ACYP2: variants seen among roughly 807,000 people sequenced by gnomAD.
ACYP2 encodes the protein acylphosphatase-2.
In ACYP2, 12 loss-of-function variants were observed where a neutral mutation model predicts 11.2. The ratio of observed to expected loss-of-function variants is 1.08; its 90% CI spans 0.69 to 1.74. The LOEUF is 1.74. ACYP2 is among the 40% of genes most tolerant of loss of function. The pLI is 0.00. For synonymous variants in ACYP2, 43 were observed against 32.2 expected (o/e 1.33, Z -1.13); for missense variants, 134 against 101.9 (o/e 1.31, Z -1.35).
chr2:54,092,267 A>G (rs1329732172), intron 4 of ACYP2, among the ~76,000 whole-genome samples: 6 of 152,234 alleles, frequency 3.9e-5, no homozygotes, highest in Non-Finnish European at 8.8e-5. Context: ...AGAGGGAAGA[A>G]TAGGGACAGG....
At chr2:54,160,396 C>G (rs772433724) in intron 6 of ACYP2, among the ~76,000 whole-genome samples, 8 of 152,188 alleles carry the variant, frequency 5.3e-5, no homozygotes, top group African/African-American at 1.9e-4. Context: ...CTTTTTCAGC[C>G]ACTCATAAGG....
At chr2:54,276,353 A>G (rs1008936505) in intron 6 of ACYP2, among the ~76,000 whole-genome samples, 1 of 152,110 alleles carries the variant, frequency 6.6e-6, no homozygotes, top group Admixed American at 6.5e-5. Context: ...TAAACATCCT[A>G]CATACATTAG....
At chr2:54,006,863 A>AC (rs1673090288) in intron 2 of ACYP2, among the ~76,000 whole-genome samples, 1 of 151,842 alleles carries the variant, frequency 6.6e-6, no homozygotes, top group African/African-American at 2.4e-5. Context: ...GGTGGCTCAC[A>AC]CCTGTAATCC....
intron 2 of ACYP2, among the ~76,000 whole-genome samples, chr2:54,012,332 C>A (rs1341427982): frequency 6.6e-6 from 1 of 151,812 alleles, no homozygotes; most frequent in Non-Finnish European, 1.5e-5. Context: ...ATAGCAAGAC[C>A]TCGCTCCTAT....
At chr2:54,201,626 T>C (rs868563533) in intron 6 of ACYP2, among the ~76,000 whole-genome samples, 8,541 of 101,352 alleles carry the variant, frequency 0.084, 426 homozygotes, top group Middle Eastern at 0.13. Context: ...CTTTCTTTGT[T>C]TCTTTCTTTC....
At chr2:54,156,439 G>A (rs144392371) in intron 6 of ACYP2, among the ~76,000 whole-genome samples, 1 of 152,112 alleles carries the variant, frequency 6.6e-6, no homozygotes, top group Non-Finnish European at 1.5e-5. Context: ...ACAAGCCCCA[G>A]TGTGTGTTGT....
At position 54,036,325 on chromosome 2, in the gene ACYP2, C is replaced by G. The variant is rs75556321; in HGVS notation, c.63-14633C>G. ...GGCAGGCTGGTGTGGAACTCGACCT[C>G]AGGTGATTTCTGCCCACCTTGGCCT... is the stretch of plus-strand genomic sequence containing the variant. On this transcript the variant is annotated intron_variant, in intron 2 of 6. Transcript: ENST00000607452. Among the ~76,000 whole-genome samples, 1,416 of 152,290 alleles carry G rather than the reference C, an allele frequency of 9.3e-3. 10 individuals carry two copies. The highest frequency in any genetic ancestry group is 0.031 in the Middle Eastern group (9 of 294).
chr2:54,189,490 G>A (rs1157359871), intron 6 of ACYP2, among the ~76,000 whole-genome samples: 1 of 152,030 alleles, frequency 6.6e-6, no homozygotes, highest in Non-Finnish European at 1.5e-5. Context: ...CAAATGGCAG[G>A]ACCTCCTCTT....
At chr2:54,172,741 C>G (rs1683270277) in intron 6 of ACYP2, among the ~76,000 whole-genome samples, 1 of 151,850 alleles carries the variant, frequency 6.6e-6, no homozygotes, top group South Asian at 2.1e-4. Context: ...GTTCCCTGCC[C>G]TGTGTCCATG....
intron 3 of ACYP2, chr2:54,051,165 C>T (rs1407474771): frequency 4.3e-6 from 3 of 704,370 alleles, no homozygotes; most frequent in Non-Finnish European, 7.6e-6. Context: ...GAGAACCAGA[C>T]AGGCATTGGG....
intron 4 of ACYP2, among the ~76,000 whole-genome samples, chr2:54,094,246 G>C (rs75188006): frequency 7.4e-6 from 1 of 135,382 alleles, no homozygotes; most frequent in Admixed American, 7.4e-5. Flanking sequence ...TTTTTTTTTT[G>C]AGACAGAGTC....
intron 2 of ACYP2, among the ~76,000 whole-genome samples, chr2:53,987,363 A>C (rs1347727571): frequency 2.0e-5 from 3 of 152,118 alleles, no homozygotes; most frequent in Admixed American, 1.3e-4. Flanking sequence ...AAAGTTAAAA[A>C]AAAAAAAAAA....
intron 2 of ACYP2, among the ~76,000 whole-genome samples, chr2:53,982,842 G>C (rs1671838700): frequency 6.8e-6 from 1 of 146,742 alleles, no homozygotes; most frequent in African/African-American, 2.7e-5. Context: ...GTGTGTGTGT[G>C]TGTGTGTGTG....
intron 2 of ACYP2, among the ~76,000 whole-genome samples, chr2:54,009,608 C>T (rs1044158678): frequency 1.3e-5 from 2 of 151,808 alleles, no homozygotes; most frequent in Non-Finnish European, 2.9e-5. Context: ...CCTGAGTGTC[C>T]CTGATGATTT....
At chr2:54,172,031 T>C (rs1487912650) in intron 6 of ACYP2, among the ~76,000 whole-genome samples, 1 of 152,046 alleles carries the variant, frequency 6.6e-6, no homozygotes, top group East Asian at 1.9e-4. Flanking sequence ...CTAGTCAACA[T>C]AGGGATACCC....
At chr2:54,051,586 A>G (rs1304780642) in intron 3 of ACYP2, 5 of 742,506 alleles carry the variant, frequency 6.7e-6, no homozygotes, top group Non-Finnish European at 5.0e-6. Context: ...TTGTGAAGAA[A>G]CTAGGAGAGA....
At chr2:54,066,287 C>T (rs1009587262) in intron 4 of ACYP2, among the ~76,000 whole-genome samples, 2 of 152,180 alleles carry the variant, frequency 1.3e-5, no homozygotes, top group Non-Finnish European at 2.9e-5. Flanking sequence ...CTCCTCTCTC[C>T]TGCCACCATT....
At chr2:53,990,902 T>G (rs1001895947) in intron 2 of ACYP2, among the ~76,000 whole-genome samples, 9 of 151,706 alleles carry the variant, frequency 5.9e-5, no homozygotes, top group Non-Finnish European at 8.8e-5. Context: ...GTTCACGCCA[T>G]TCTCCTGCCT....
chr2:54,201,680 T>TTCTTTCTC (rs1395606887), intron 6 of ACYP2, among the ~76,000 whole-genome samples: 1,921 of 107,090 alleles, frequency 0.018, 25 homozygotes, highest in Middle Eastern at 0.03. Flanking sequence ...CTTTCTTTCT[T>TTCTTTCTC]TCTCTCTCTC....
Sources: allele counts gnomAD v4.1 joint callset (sites outside exome capture counted in the v4.1 genomes callset), GRCh38; gene constraint gnomAD v4.1.1; transcripts MANE v1.5; gene names NCBI Gene and HGNC (gene_info 2026-07-23, HGNC 2026-07-21).